ZNF569: variants seen among roughly 807,000 people sequenced by gnomAD.
ZNF569 encodes zinc finger protein 569.
A neutral mutation model predicts 56.3 loss-of-function variants in ZNF569; 38 were observed. That is an observed-to-expected ratio of 0.68 (90% CI 0.52 to 0.88). The LOEUF is 0.88. Among genes scored for constraint, ZNF569 ranks in the 40% least tolerant of loss-of-function variants. ZNF569 has a pLI of 0.00. For synonymous variants in ZNF569, 241 were observed against 262.9 expected (o/e 0.92, Z 0.81); for missense variants, 666 against 809.2 (o/e 0.82, Z 2.15).
At chr19:37,419,296 A>G (rs2146868651) in intron 5 of ZNF569, among the ~76,000 whole-genome samples, 1 of 152,358 alleles carries the variant, frequency 6.6e-6, no homozygotes, top group African/African-American at 2.4e-5. Context: ...ATACAAAAAG[A>G]TAATAAATTA....
At chr19:37,431,079 G>C (rs1033706661) in intron 3 of ZNF569, among the ~76,000 whole-genome samples, 1 of 152,156 alleles carries the variant, frequency 6.6e-6, no homozygotes. Context: ...ATGGGCTAAA[G>C]GGCTCTAGGA....
chr19:37,436,329 T>C (rs6508722), intron 3 of ZNF569, among the ~76,000 whole-genome samples: 66,000 of 151,742 alleles, frequency 0.43, 14,969 homozygotes, highest in African/African-American at 0.59. Context: ...CCATGGGATA[T>C]GGCAAAAGCA....
At position 37,412,555 on chromosome 19, in the gene ZNF569, C is replaced by T. The variant is rs1432829775; in HGVS notation, c.*42G>A. 2 of 1,530,668 alleles carry T rather than the reference C, an allele frequency of 1.3e-6. No individual in the cohort carries two copies. The highest frequency in any genetic ancestry group is 1.8e-6 in the Non-Finnish European group (2 of 1,142,466). The allele number at this position is 1,530,668 out of a possible 1,614,324, so 94.8% of individuals were successfully genotyped here. ...TGTAATGTGCAATGAGGTGTTAATT[C>T]CTTCAGATGGCCTTGCCATATTCAC... On this transcript the variant is annotated 3_prime_UTR_variant, in exon 6 of 6. Transcript: ENST00000316950.
At chr19:37,463,192 T>C (rs1252075177) in intron 2 of ZNF569, among the ~76,000 whole-genome samples, 1 of 152,208 alleles carries the variant, frequency 6.6e-6, no homozygotes, top group African/African-American at 2.4e-5. Flanking sequence ...ACTACTCTGG[T>C]CCAGATCACC....
chr19:37,467,481 C>T (rs944380141), upstream of ZNF569: 4 of 197,692 alleles, frequency 2.0e-5, no homozygotes, highest in African/African-American at 1.2e-4. Context: ...CGCGGCCCTA[C>T]TTCCCCGACC....
At chr19:37,415,682 A>G (rs2040917173) in intron 5 of ZNF569, among the ~76,000 whole-genome samples, 2 of 150,706 alleles carry the variant, frequency 1.3e-5, no homozygotes, top group South Asian at 2.1e-4. Flanking sequence ...CATCCTGGCT[A>G]ACACAGTGAA....
intron 2 of ZNF569, among the ~76,000 whole-genome samples, chr19:37,457,625 G>A (rs1465975739): frequency 1.3e-5 from 2 of 149,972 alleles, no homozygotes; most frequent in Non-Finnish European, 3.0e-5. Context: ...CTCATGGATG[G>A]GAACTGAACA....
chr19:37,442,332 T>A (rs923375030), intron 3 of ZNF569, among the ~76,000 whole-genome samples: 12 of 152,132 alleles, frequency 7.9e-5, no homozygotes, highest in African/African-American at 2.9e-4. Flanking sequence ...ATATCTAGGG[T>A]AGGAACATTT....
At chr19:37,451,340 C>A (rs1221792170) in intron 2 of ZNF569, among the ~76,000 whole-genome samples, 1 of 147,114 alleles carries the variant, frequency 6.8e-6, no homozygotes, top group Non-Finnish European at 1.5e-5. Flanking sequence ...GCGGAGGTTG[C>A]AGTGAGCCGA....
At chr19:37,426,407 A>G in intron 3 of ZNF569, 29 bp from the exon 4 acceptor site, 1 of 1,565,880 alleles carries the variant, frequency 6.4e-7, no homozygotes, top group South Asian at 1.2e-5. Context: ...ACTCAATCTG[A>G]AGTCATCCAT....
intron 3 of ZNF569, among the ~76,000 whole-genome samples, chr19:37,442,528 T>C (rs2041423809): frequency 1.3e-5 from 2 of 152,178 alleles, no homozygotes; most frequent in South Asian, 4.2e-4. Flanking sequence ...GGAAAGACAC[T>C]AGATGGTATT....
intron 2 of ZNF569, among the ~76,000 whole-genome samples, chr19:37,451,159 G>T (rs1032029652): frequency 2.0e-5 from 3 of 152,034 alleles, no homozygotes; most frequent in Non-Finnish European, 2.9e-5. Flanking sequence ...CAGCACTTTG[G>T]GAGGCTGAGG....
rs560722558 is a variant in ZNF569, at chr19:37,450,827, T to C, written c.-43-5863A>G. Among the ~76,000 whole-genome samples the C allele has an allele frequency of 9.2e-5, 14 of 152,304 alleles. No homozygotes were observed. In the East Asian group the frequency reaches 2.5e-3, roughly 27 times the overall value. ...TATAAGTTTTGGTATGTTGTGTTTT[T>C]GTTTGCCTCAAGGTATTTTCTAATT... On this transcript the variant is annotated intron_variant, in intron 2 of 5. Coordinates refer to ENST00000316950, the MANE Select transcript of ZNF569 (RefSeq NM_152484.3).
intron 2 of ZNF569, among the ~76,000 whole-genome samples, chr19:37,463,592 T>C (rs1012823482): frequency 5.9e-5 from 9 of 152,276 alleles, no homozygotes; most frequent in African/African-American, 2.2e-4. Context: ...TACTATACTA[T>C]ACTTTTTATT....
intron 3 of ZNF569, among the ~76,000 whole-genome samples, chr19:37,442,181 A>G (rs566797108): frequency 1.3e-5 from 2 of 152,352 alleles, no homozygotes; most frequent in South Asian, 2.1e-4. Context: ...TGTGATATTG[A>G]TAAGTTAAGA....
intron 3 of ZNF569, among the ~76,000 whole-genome samples, chr19:37,439,344 T>G (rs772128653): frequency 4.6e-5 from 7 of 152,164 alleles, no homozygotes; most frequent in Non-Finnish European, 1.0e-4. Context: ...GTGGTGGGAT[T>G]ACAGGCATGA....
At position 37,411,199 on chromosome 19, in the gene ZNF569, T is replaced by A. The variant is rs187554995; in HGVS notation, c.*1398A>T. 4 of 152,160 alleles carry A rather than the reference T, an allele frequency of 2.6e-5. No homozygotes were observed. Among genetic ancestry groups the A allele is most frequent in the Admixed American group, 2.0e-4 (3 of 15,272 alleles). 9.4% of individuals were successfully genotyped at this position (152,160 alleles called of 1,614,324 possible). A position where few individuals can be genotyped will look rare whatever the true frequency, so the allele number is the denominator to read the frequency against. On this transcript the variant is annotated 3_prime_UTR_variant, in exon 6 of 6. Coordinates refer to ENST00000316950, the MANE Select transcript of ZNF569 (RefSeq NM_152484.3). Reference sequence around the variant, plus strand: ...ATTAAAGAAATATTACAGATAAATATAACAACTCCCACCAAACCTTTCCCA... The same window carrying A: ...ATTAAAGAAATATTACAGATAAATAAAACAACTCCCACCAAACCTTTCCCA...
At chr19:37,440,252 T>G (rs926763097) in intron 3 of ZNF569, among the ~76,000 whole-genome samples, 4 of 152,178 alleles carry the variant, frequency 2.6e-5, no homozygotes, top group African/African-American at 9.7e-5. Context: ...TTAGGAAACT[T>G]ATCTTTCAAA....
intron 2 of ZNF569, among the ~76,000 whole-genome samples, chr19:37,451,723 C>T (rs1317587927): frequency 6.6e-6 from 1 of 152,032 alleles, no homozygotes; most frequent in Non-Finnish European, 1.5e-5. Flanking sequence ...TACTTAAATC[C>T]TATTTTATCT....
Sources: gnomAD v4.1 joint callset for allele counts (sites outside exome capture counted in the v4.1 genomes callset) on GRCh38, gnomAD v4.1.1 for gene constraint, MANE v1.5 for transcripts, NCBI Gene and HGNC (gene_info 2026-07-23, HGNC 2026-07-21) for gene names.